Variants in CEP295 observed in about 807,000 individuals in gnomAD.
CEP295 encodes the protein centrosomal protein 295.
Under a neutral mutation model 291.6 loss-of-function variants are expected in CEP295, and 190 were observed. That is an observed-to-expected ratio of 0.65 (90% CI 0.58 to 0.73). The LOEUF is 0.73. Ranked by LOEUF, CEP295 falls within the 30% of genes least tolerant of loss-of-function variation. The pLI is 0.00. For synonymous variants in CEP295, 993 were observed against 1,038.8 expected (o/e 0.96, Z 0.85); for missense variants, 2,863 against 2,949.4 (o/e 0.97, Z 0.68).
chr11:93,695,611 A>C lies in CEP295; in HGVS notation c.1648A>C (p.Arg550=), dbSNP rs529271301. 1 of 1,498,204 alleles carries C rather than the reference A, an allele frequency of 6.7e-7. No homozygotes were observed. The highest frequency in any genetic ancestry group is 2.6e-5 in the Admixed American group (1 of 38,030). The allele number at this position is 1,498,204 out of a possible 1,614,324, so 92.8% of individuals were successfully genotyped here. A position where few individuals can be genotyped will look rare whatever the true frequency, so the allele number is the denominator to read the frequency against. Residue 550 remains arginine (R), a synonymous_variant, in exon 13 of 30, where the codon AGA becomes CGA. Transcript: ENST00000325212. ...CAGGGCTCAGCTGGAAGAAGAAAAA[A>C]GAAAAAAAACTCAACCGACTGGGGT... ...CFRAQLEEEK[R]KKTQPTGVGI... is the part of the protein sequence containing the mutation.
chr11:93,679,065 C>T (rs1950838172), intron 6 of CEP295, among the ~76,000 whole-genome samples: 1 of 152,114 alleles, frequency 6.6e-6, no homozygotes, highest in Non-Finnish European at 1.5e-5. Flanking sequence ...CCGTGTTGGA[C>T]AGGCTGACCT....
Position 93,698,672 on chromosome 11 carries a change from C to T in CEP295, c.3760C>T (p.Gln1254Ter). The part of the protein sequence containing the change: ...LRVSQHMLPL[Q>*]DNLEEHQAWL... ...AGTTTCACAACATATGCTACCTCTA[C>T]AAGATAATTTGGAGGAACACCAAGC... The change falls in exon 15 of 30, where the codon CAA becomes TAA. Residue 1254 changes from glutamine (Q) to a stop codon, truncating the protein, a stop_gained. Transcript: ENST00000325212. LOFTEE classifies it high-confidence loss of function. The T allele has an allele frequency of 2.6e-6, 4 of 1,550,782 alleles. No individual in the cohort carries two copies. The highest frequency in any genetic ancestry group is 3.5e-6 in the Non-Finnish European group (4 of 1,147,068).
In CEP295 at chr11:93,699,582, T is replaced by C. The variant is rs548388193; in HGVS notation, c.4670T>C (p.Val1557Ala). 91 of 1,551,932 alleles carry C rather than the reference T, an allele frequency of 5.9e-5. 1 individual carries two copies. The African/African-American group carries it at 1.0e-3, about 17-fold the overall frequency. Residue 1557 changes from valine to alanine, a missense_variant, in exon 15 of 30, where the codon GTT becomes GCT. Coordinates refer to ENST00000325212, the MANE Select transcript of CEP295 (RefSeq NM_033395.2). ...TCTTCATTTGTATCCCAGGTGCCTG[T>C]TGCTGACTCTGAAAGAACCCAGAAG... ...CSSSFVSQVP[V>A]ADSERTQKSF...
intron 18 of CEP295, among the ~76,000 whole-genome samples, chr11:93,718,191 G>A (rs1275905524): frequency 3.3e-5 from 5 of 152,184 alleles, no homozygotes; most frequent in African/African-American, 9.6e-5. Flanking sequence ...GATTATAGGC[G>A]TGAGCCACCA....
intron 2 of CEP295, among the ~76,000 whole-genome samples, chr11:93,667,081 G>A (rs1223445171): frequency 1.3e-5 from 2 of 152,198 alleles, no homozygotes; most frequent in East Asian, 3.9e-4. Flanking sequence ...TCTGTAATTG[G>A]TAACAGGAAG....
intron 18 of CEP295, among the ~76,000 whole-genome samples, chr11:93,715,402 C>G (rs1953174591): frequency 1.3e-5 from 2 of 152,086 alleles, no homozygotes; most frequent in Admixed American, 1.3e-4. Context: ...CTCTCTGACC[C>G]AGGGTAGGTT....
In CEP295 at chr11:93,698,797, G is replaced by T; in HGVS notation, c.3885G>T (p.Leu1295Phe). 1 of 1,551,652 alleles carries T rather than the reference G, an allele frequency of 6.4e-7. No homozygotes were observed. Among genetic ancestry groups the T allele is most frequent in the African/African-American group, 1.4e-5 (1 of 73,148 alleles). The change falls in exon 15 of 30, where the codon TTG becomes TTT. Residue 1295 changes from leucine (L) to phenylalanine (F), a missense_variant. Transcript: ENST00000325212. Reference sequence around the variant, plus strand: ...GTTCATCTTCATTCATACCCCAGTTGGTACAGCTTTCATTTACTTCGTTAG... The same window carrying T: ...GTTCATCTTCATTCATACCCCAGTTTGTACAGCTTTCATTTACTTCGTTAG... Reference protein sequence around the residue: ...QTGSSSFIPQLVQLSFTSLAS... With the variant: ...QTGSSSFIPQFVQLSFTSLAS...
chr11:93,698,074 T>G lies in CEP295; in HGVS notation c.3162T>G (p.His1054Gln). 6.4e-7 allele frequency: 1 copy of G among 1,551,814 alleles called. No individual in the cohort carries two copies. The highest frequency in any genetic ancestry group is 8.7e-7 in the Non-Finnish European group (1 of 1,147,010). The change falls in exon 15 of 30, where the codon CAT (histidine) becomes CAG (glutamine). Residue 1054 changes from histidine to glutamine, a missense_variant. Physicochemically the swap from His to Gln is conservative, Grantham distance 24. Transcript: ENST00000325212. ...TCCTACAGCAGTTCCTACCTCTACA[T>G]GATAGTTTGAAGTTGCTCCAAGAAC... is the stretch of plus-strand genomic sequence containing the variant. The part of the protein sequence containing the change: ...LSFLQQFLPL[H>Q]DSLKLLQEQL...
Position 93,700,077 on chromosome 11 carries a change from A to G in CEP295, c.5165A>G (p.His1722Arg). The change falls in exon 15 of 30, where the codon CAT (histidine) becomes CGT (arginine). Residue 1722 changes from histidine (H) to arginine (R), a missense_variant. Physicochemically the swap from His to Arg is conservative, Grantham distance 29. Transcript: ENST00000325212. Reference sequence around the variant, plus strand: ...TTGGATCTACAAAGAGAAGTTCTGCATTATAGCCAGAAAGCCCAGGAAAAA... The same window carrying G: ...TTGGATCTACAAAGAGAAGTTCTGCGTTATAGCCAGAAAGCCCAGGAAAAA... ...KQLDLQREVL[H>R]YSQKAQEKLL... is the part of the protein sequence containing the mutation. 2 of 1,551,848 alleles carry G rather than the reference A, an allele frequency of 1.3e-6. No homozygotes were observed. The highest frequency in any genetic ancestry group is 1.7e-6 in the Non-Finnish European group (2 of 1,147,008).
In CEP295 at chr11:93,667,755, A is replaced by G. The variant is rs1939569; in HGVS notation, c.257A>G (p.Tyr86Cys). The change falls in exon 3 of 30, where the codon TAT (tyrosine) becomes TGT (cysteine). Residue 86 changes from tyrosine to cysteine, a missense_variant. Around this residue, in one of 3 missense-constraint regions of CEP295, gnomAD observed 554 missense variants for 576.0 expected, o/e 0.96. Transcript: ENST00000325212. ...AAAATACAGAACTTGGAAAAACTGT[A>G]TTTGGCAAGTTTAAGAAGTATGGGA... ...TQKIQNLEKL[Y>C]LASLRSMGEG... 2 of 1,551,496 alleles carry G rather than the reference A, an allele frequency of 1.3e-6. No individual in the cohort carries two copies. The highest frequency in any genetic ancestry group is 1.7e-6 in the Non-Finnish European group (2 of 1,146,866).
intron 10 of CEP295, among the ~76,000 whole-genome samples, chr11:93,689,485 T>C (rs1185099246): frequency 6.6e-6 from 1 of 152,188 alleles, no homozygotes. Flanking sequence ...ACTAGACTTC[T>C]CTTTTTCTTG....
At chr11:93,690,041 C>T (rs1951439101) in intron 10 of CEP295, among the ~76,000 whole-genome samples, 1 of 152,066 alleles carries the variant, frequency 6.6e-6, no homozygotes, top group African/African-American at 2.4e-5. Context: ...AAGGAGTGGC[C>T]AGAGAAGTAA....
intron 9 of CEP295, 150 bp downstream of exon 9, chr11:93,684,278 A>G: frequency 1.7e-6 from 1 of 588,022 alleles, no homozygotes; most frequent in East Asian, 2.8e-5. Context: ...CAACGTTTTT[A>G]TATTTCCATC....
At chr11:93,701,938 T>G (rs767449782) in intron 15 of CEP295, among the ~76,000 whole-genome samples, 6 of 150,744 alleles carry the variant, frequency 4.0e-5, no homozygotes, top group Non-Finnish European at 7.4e-5. Context: ...TGTGAATGGT[T>G]GTTGTTTTTG....
At position 93,720,489 on chromosome 11, in the gene CEP295, A is replaced by G. The variant is rs11020502; in HGVS notation, c.5750-823A>G. On this transcript the variant is annotated intron_variant, in intron 18 of 29. Coordinates refer to ENST00000325212, the MANE Select transcript of CEP295 (RefSeq NM_033395.2). ...AGTCTGCCTCAAAAAAAAAAAAAAA[A>G]ACTGTCTCTAAAAAAATGAAATAAA... is the stretch of plus-strand genomic sequence containing the variant. 1.9e-4 allele frequency among the ~76,000 whole-genome samples: 23 copies of G among 121,322 alleles called. 2 individuals carry two copies. Among genetic ancestry groups the G allele is most frequent in the East Asian group, 1.0e-3 (4 of 3,914 alleles). The allele number at this position is 121,322 out of a possible 152,430, so 79.6% of individuals were successfully genotyped here.
intron 13 of CEP295, among the ~76,000 whole-genome samples, 155 bp from the exon 14 acceptor site, chr11:93,696,165 A>G (rs1026759348): frequency 2.0e-5 from 3 of 152,208 alleles, no homozygotes; most frequent in Admixed American, 6.5e-5. Context: ...CTGAAGGAGA[A>G]TGACAGATTA....
rs762932088 is a variant in CEP295, at chr11:93,725,752, C to A, written c.6420C>A (p.Asn2140Lys). The change falls in exon 23 of 30, where the codon AAC becomes AAA. Residue 2140 changes from asparagine to lysine, a missense_variant. Physicochemically the swap from Asn to Lys is moderately conservative, Grantham distance 94. This residue lies in a region of CEP295 where 2,295 missense variants were observed against 2,335.7 expected (regional missense o/e 0.98). Coordinates refer to ENST00000325212, the MANE Select transcript of CEP295 (RefSeq NM_033395.2). ...GGACCAGCATGCATTCTTCTCTTAA[C>A]ACAAGTCCGAATCAACAACCTGACA... Reference protein sequence around the residue: ...LRRTSMHSSLNTSPNQQPDTN... With the variant: ...LRRTSMHSSLKTSPNQQPDTN... The A allele has an allele frequency of 2.6e-6, 4 of 1,551,770 alleles. No homozygotes were observed. The South Asian group carries it at 4.8e-5, about 18-fold the overall frequency.
At position 93,700,015 on chromosome 11, in the gene CEP295, C is replaced by T; in HGVS notation, c.5103C>T (p.Val1701=). The part of the protein sequence containing the change: ...QDRLLSFSQS[V]LTQQDNLGLQ... ...GACTTTTGAGTTTTTCACAGTCTGT[C>T]TTAACTCAGCAAGATAACTTGGGAC... Residue 1701 remains valine, a synonymous_variant, in exon 15 of 30, where the codon GTC becomes GTT. Coordinates refer to ENST00000325212, the MANE Select transcript of CEP295 (RefSeq NM_033395.2). The T allele has an allele frequency of 1.3e-6, 2 of 1,551,742 alleles. No individual in the cohort carries two copies. The highest frequency in any genetic ancestry group is 1.7e-4 in the Middle Eastern group (1 of 5,996).
At chr11:93,692,924 G>A (rs1472434845) in intron 12 of CEP295, among the ~76,000 whole-genome samples, 15 of 136,176 alleles carry the variant, frequency 1.1e-4, no homozygotes, top group Non-Finnish European at 1.8e-4. Flanking sequence ...AATGAGTCAA[G>A]ATCACACCAC....
Sources: allele counts gnomAD v4.1 joint callset (sites outside exome capture counted in the v4.1 genomes callset), GRCh38; gene constraint gnomAD v4.1.1; regional missense constraint gnomAD v4.1.1; transcripts MANE v1.5; gene names NCBI Gene and HGNC (gene_info 2026-07-23, HGNC 2026-07-21).